CYP7B1: variants seen among roughly 807,000 people sequenced by gnomAD.
The protein encoded by CYP7B1 is cytochrome P450 family 7 subfamily B member 1, also known as cytochrome P450 7B1.
Under a neutral mutation model 42.7 loss-of-function variants are expected in CYP7B1, and 29 were observed. That is an observed-to-expected ratio of 0.68 (90% CI 0.51 to 0.93). CYP7B1 has a LOEUF of 0.93. CYP7B1 is among the 40% of genes least tolerant of loss of function. The pLI, the probability that CYP7B1 is intolerant of heterozygous loss-of-function variation, is 0.00. For missense variants in CYP7B1, 655 were observed against 600.5 expected, an observed-to-expected ratio of 1.09 and a Z score of -0.95; for synonymous variants, 235 against 218.2, an observed-to-expected ratio of 1.08 and a Z score of -0.68.
intron 1 of CYP7B1, among the ~76,000 whole-genome samples, chr8:64,662,879 T>C (rs926369221): frequency 6.6e-6 from 1 of 152,152 alleles, no homozygotes; most frequent in Non-Finnish European, 1.5e-5. Context: ...CAGTCCTGCA[T>C]TTTCCCTTAG....
chr8:64,709,108 G>C (rs1807042810), intron 1 of CYP7B1, among the ~76,000 whole-genome samples: 1 of 152,184 alleles, frequency 6.6e-6, no homozygotes, highest in Admixed American at 6.5e-5. Context: ...TTCTCTATCA[G>C]CTCTGCACCA....
Position 64,596,751 on chromosome 8 carries a change from TCAAAATAAGTTA to T in CYP7B1, c.1400_1411del (p.Leu467_Asp471delinsTyr). 1 of 1,613,942 alleles carries T rather than the reference TCAAAATAAGTTA, an allele frequency of 6.2e-7. No individual in the cohort carries two copies. Among genetic ancestry groups the T allele is most frequent in the Non-Finnish European group, 8.5e-7 (1 of 1,179,898 alleles). Reference sequence around the variant, plus strand: ...GGGCTTATCATCAATTATTTCTAAATCAAAATAAGTTAAAAGTATAACCAACAATTGTTTTAT... The same window carrying T: ...GGGCTTATCATCAATTATTTCTAAATAAAGTATAACCAACAATTGTTTTAT... On this transcript the variant is annotated inframe_deletion, in exon 6 of 6. Coordinates refer to ENST00000310193, the MANE Select transcript of CYP7B1 (RefSeq NM_004820.5).
chr8:64,727,956 T>C (rs1807347636), intron 1 of CYP7B1: 1 of 152,246 alleles, frequency 6.6e-6, no homozygotes, highest in Admixed American at 6.5e-5. Context: ...TTCATTACCA[T>C]CATTATCTCT....
intron 1 of CYP7B1, among the ~76,000 whole-genome samples, chr8:64,684,884 C>A (rs1355094386): frequency 6.6e-6 from 1 of 152,154 alleles, no homozygotes; most frequent in Non-Finnish European, 1.5e-5. Context: ...AATGAGATAC[C>A]ACTTCACATC....
At chr8:64,705,266 A>G (rs1806978396) in intron 1 of CYP7B1, among the ~76,000 whole-genome samples, 1 of 151,976 alleles carries the variant, frequency 6.6e-6, no homozygotes, top group African/African-American at 2.4e-5. Flanking sequence ...AATTTTCTCA[A>G]ATATCCCCAA....
chr8:64,706,435 A>G (rs961875905), intron 1 of CYP7B1, among the ~76,000 whole-genome samples: 22 of 152,156 alleles, frequency 1.4e-4, no homozygotes, highest in Middle Eastern at 3.4e-3. Context: ...TTAAGCACAT[A>G]CTTTCTCATC....
At chr8:64,707,421 T>C (rs1427799164) in intron 1 of CYP7B1, among the ~76,000 whole-genome samples, 2 of 152,098 alleles carry the variant, frequency 1.3e-5, no homozygotes, top group African/African-American at 4.8e-5. Flanking sequence ...TTATTTGGCA[T>C]TGAAGAGGTT....
chr8:64,754,079 A>C (rs963548018), intron 1 of CYP7B1, among the ~76,000 whole-genome samples: 1 of 151,894 alleles, frequency 6.6e-6, no homozygotes, highest in Admixed American at 6.6e-5. Flanking sequence ...GTTGGTCCCC[A>C]TACACAACCA....
intron 1 of CYP7B1, among the ~76,000 whole-genome samples, chr8:64,709,018 C>T (rs1807041239): frequency 6.6e-6 from 1 of 152,210 alleles, no homozygotes; most frequent in Non-Finnish European, 1.5e-5. Flanking sequence ...CTGTGGGCAA[C>T]AGTGATCTGA....
chr8:64,596,668 A>C lies in CYP7B1; in HGVS notation c.1495T>G (p.Leu499Val). ...TAAGATTTCACTTTGTATCTAAATA[A>C]AACATCAGAATCTGGATACTGAATA... ...FGIQYPDSDV[L>V]FRYKVKS is the part of the protein sequence containing the mutation. The change falls in exon 6 of 6, where the codon TTA becomes GTA. Residue 499 changes from leucine to valine, a missense_variant. By Grantham distance (32) the Leu-to-Val change is conservative (BLOSUM62 1). Transcript: ENST00000310193. 1 of 1,613,298 alleles carries C rather than the reference A, an allele frequency of 6.2e-7. No homozygotes were observed. Among genetic ancestry groups the C allele is most frequent in the Non-Finnish European group, 8.5e-7 (1 of 1,179,654 alleles).
At chr8:64,588,965 T>G (rs1313071217), downstream of CYP7B1, among the ~76,000 whole-genome samples, 1 of 152,246 alleles carries the variant, frequency 6.6e-6, no homozygotes, top group African/African-American at 2.4e-5. Context: ...TAACTTACTT[T>G]AATTTCCTTT....
chr8:64,664,355 A>G (rs902203122), intron 1 of CYP7B1, among the ~76,000 whole-genome samples: 4 of 152,190 alleles, frequency 2.6e-5, no homozygotes. Flanking sequence ...TTTAATAATA[A>G]TAGCTATTAT....
At chr8:64,716,229 T>C (rs1193717621) in intron 1 of CYP7B1, among the ~76,000 whole-genome samples, 16 of 152,268 alleles carry the variant, frequency 1.1e-4, no homozygotes, top group Admixed American at 1.0e-3. Flanking sequence ...TTCTTTGTGA[T>C]ATATTTTTCA....
downstream of CYP7B1, among the ~76,000 whole-genome samples, chr8:64,586,825 C>G (rs760109303): frequency 3.9e-5 from 6 of 152,194 alleles, no homozygotes; most frequent in Non-Finnish European, 7.3e-5. Context: ...CTCCTGTGCT[C>G]TCTGTATTGG....
At chr8:64,785,057 C>T (rs763727082) in intron 1 of CYP7B1, among the ~76,000 whole-genome samples, 3 of 152,078 alleles carry the variant, frequency 2.0e-5, no homozygotes, top group Non-Finnish European at 4.4e-5. Context: ...AATATCTTAA[C>T]AGAAACCTAA....
In CYP7B1 at chr8:64,604,825, A is replaced by C; in HGVS notation, c.1090T>G (p.Ser364Ala). The change falls in exon 5 of 6, where the codon TCA becomes GCA. Residue 364 changes from serine (S) to alanine (A), a missense_variant. Transcript: ENST00000310193. ...ACAAAACGAATGGTGGTTGAATATG[A>C]GGACAGTCGTAAAGCTTCAAAAATG... ...SSIFEALRLS[S>A]YSTTIRFVEE... The C allele has an allele frequency of 6.2e-7, 1 of 1,614,156 alleles. No homozygotes were observed.
intron 1 of CYP7B1, among the ~76,000 whole-genome samples, chr8:64,721,218 C>G (rs1286314486): frequency 3.3e-5 from 5 of 152,004 alleles, no homozygotes; most frequent in Non-Finnish European, 5.9e-5. Flanking sequence ...CAACACCTAT[C>G]TTTGTCGAAA....
intron 1 of CYP7B1, among the ~76,000 whole-genome samples, chr8:64,696,029 C>A (rs968221339): frequency 4.6e-5 from 7 of 152,192 alleles, no homozygotes; most frequent in Admixed American, 2.0e-4. Flanking sequence ...GACATTAATT[C>A]ATTCCTCTGA....
At chr8:64,705,404 G>A (rs1240162898) in intron 1 of CYP7B1, among the ~76,000 whole-genome samples, 1 of 151,584 alleles carries the variant, frequency 6.6e-6, no homozygotes, top group Non-Finnish European at 1.5e-5. Flanking sequence ...ACATAGATGT[G>A]TTAAATAAAT....
Sources: allele counts gnomAD v4.1 joint callset (sites outside exome capture counted in the v4.1 genomes callset), GRCh38; gene constraint gnomAD v4.1.1; transcripts MANE v1.5; gene names NCBI Gene and HGNC (gene_info 2026-07-23, HGNC 2026-07-21).